Variants in FAM171A1 observed in about 807,000 individuals in gnomAD.
FAM171A1 encodes the protein family with sequence similarity 171 member A1.
Under a neutral mutation model 74.9 loss-of-function variants are expected in FAM171A1, and 23 were observed. The ratio of observed to expected loss-of-function variants is 0.31; its 90% confidence interval spans 0.22 to 0.44. The LOEUF (loss-of-function observed/expected upper bound fraction) is 0.44. FAM171A1 is among the 20% of genes least tolerant of loss of function. FAM171A1 has a pLI of 1.00. For missense variants in FAM171A1, 1,162 were observed against 1,159.2 expected, an observed-to-expected ratio of 1.00 and a Z score of -0.03; for synonymous variants, 527 against 505.7, an observed-to-expected ratio of 1.04 and a Z score of -0.57.
chr10:15,363,261 G>A (rs896425048), intron 1 of FAM171A1, among the ~76,000 whole-genome samples: 2 of 152,204 alleles, frequency 1.3e-5, no homozygotes, highest in African/African-American at 2.4e-5. Context: ...GACATACTTC[G>A]CATTATTCTG....
At chr10:15,299,927 G>A (rs1440117772) in intron 1 of FAM171A1, among the ~76,000 whole-genome samples, 1 of 151,656 alleles carries the variant, frequency 6.6e-6, no homozygotes, top group Non-Finnish European at 1.5e-5. Context: ...GCAGTGAACC[G>A]AGCTAGCCTG....
At chr10:15,312,648 T>G (rs1366972285) in intron 1 of FAM171A1, among the ~76,000 whole-genome samples, 1 of 136,206 alleles carries the variant, frequency 7.3e-6, no homozygotes, top group Admixed American at 7.6e-5. Context: ...GTAAATCAAC[T>G]ACTGGAATGA....
At chr10:15,315,896 C>T (rs927579673) in intron 1 of FAM171A1, among the ~76,000 whole-genome samples, 1 of 152,084 alleles carries the variant, frequency 6.6e-6, no homozygotes, top group East Asian at 1.9e-4. Flanking sequence ...TATAAAGAAA[C>T]AGAAAGAAAA....
At chr10:15,294,518 C>T (rs193173189) in intron 1 of FAM171A1, among the ~76,000 whole-genome samples, 1 of 152,160 alleles carries the variant, frequency 6.6e-6, no homozygotes, top group African/African-American at 2.4e-5. Flanking sequence ...GAGGAAGAAA[C>T]GAGCGCTCAG....
chr10:15,337,576 G>A (rs1333443187), intron 1 of FAM171A1, among the ~76,000 whole-genome samples: 1 of 152,116 alleles, frequency 6.6e-6, no homozygotes, highest in African/African-American at 2.4e-5. Context: ...GGGTGTGGTG[G>A]CTCACACGTG....
intron 1 of FAM171A1, among the ~76,000 whole-genome samples, chr10:15,313,234 C>T (rs71485556): frequency 0.089 from 13,584 of 152,284 alleles, 661 homozygotes; most frequent in Middle Eastern, 0.12. Flanking sequence ...AGTAAACCTC[C>T]TGTTCCAGGA....
At chr10:15,311,766 C>T (rs750608940) in intron 1 of FAM171A1, among the ~76,000 whole-genome samples, 6 of 152,156 alleles carry the variant, frequency 3.9e-5, no homozygotes, top group Non-Finnish European at 7.3e-5. Context: ...ACCTGAGGTC[C>T]AGGAGAGTAA....
intron 1 of FAM171A1, among the ~76,000 whole-genome samples, chr10:15,300,965 G>A (rs948651948): frequency 2.0e-5 from 3 of 152,186 alleles, no homozygotes; most frequent in Admixed American, 6.5e-5. Flanking sequence ...GAAAGTTCAC[G>A]GAAGGAGCTG....
intron 1 of FAM171A1, among the ~76,000 whole-genome samples, chr10:15,325,336 C>T (rs1473767599): frequency 1.3e-5 from 2 of 152,090 alleles, no homozygotes; most frequent in African/African-American, 2.4e-5. Context: ...GGCAAAACCT[C>T]GTCTCTACGA....
At chr10:15,342,898 C>T (rs1234234568) in intron 1 of FAM171A1, among the ~76,000 whole-genome samples, 9 of 152,180 alleles carry the variant, frequency 5.9e-5, no homozygotes. Context: ...GGAAGACCGA[C>T]CTTGGAGTCA....
At chr10:15,223,970 C>T (rs544746406) in intron 5 of FAM171A1, among the ~76,000 whole-genome samples, 2 of 152,274 alleles carry the variant, frequency 1.3e-5, no homozygotes, top group South Asian at 4.1e-4. Context: ...TAGTGGGTGA[C>T]CACATATATA....
chr10:15,314,606 T>C (rs1835401285), intron 1 of FAM171A1, among the ~76,000 whole-genome samples: 1 of 152,220 alleles, frequency 6.6e-6, no homozygotes, highest in South Asian at 2.1e-4. Flanking sequence ...TGCATTTCCC[T>C]GTGTGACAGG....
intron 1 of FAM171A1, among the ~76,000 whole-genome samples, chr10:15,368,366 G>C (rs538409655): frequency 6.2e-4 from 94 of 152,304 alleles, no homozygotes; most frequent in African/African-American, 2.2e-3. Flanking sequence ...GTGTCATTTA[G>C]TTCTAGCAAT....
intron 1 of FAM171A1, among the ~76,000 whole-genome samples, chr10:15,370,656 C>G (rs902214264): frequency 6.6e-6 from 1 of 151,324 alleles, no homozygotes; most frequent in Non-Finnish European, 1.5e-5. Context: ...GACCCCCGGG[C>G]GCATCCAGAC....
At chr10:15,325,079 C>T (rs1212018701) in intron 1 of FAM171A1, among the ~76,000 whole-genome samples, 1 of 152,216 alleles carries the variant, frequency 6.6e-6, no homozygotes, top group African/African-American at 2.4e-5. Context: ...ATGAGCTCCC[C>T]ACTCCTTTCC....
At chr10:15,298,648 TAGTTCCA>T (rs999705622) in intron 1 of FAM171A1, among the ~76,000 whole-genome samples, 3 of 152,210 alleles carry the variant, frequency 2.0e-5, no homozygotes, top group African/African-American at 7.2e-5. Flanking sequence ...GCAAAAGCCA[TAGTTCCA>T]ACTTTTAAGA....
chr10:15,268,868 C>A (rs113442388), intron 3 of FAM171A1, among the ~76,000 whole-genome samples: 8 of 152,090 alleles, frequency 5.3e-5, no homozygotes, highest in Admixed American at 1.3e-4. Flanking sequence ...ATAGTGAAAC[C>A]CCATCTCTAC....
intron 4 of FAM171A1, among the ~76,000 whole-genome samples, chr10:15,251,777 AT>A (rs1834512128): frequency 6.6e-6 from 1 of 152,050 alleles, no homozygotes; most frequent in Non-Finnish European, 1.5e-5. Flanking sequence ...TGAAACTCCA[AT>A]TTTACACAAA....
chr10:15,273,144 GC>G (rs1334293375), intron 3 of FAM171A1, among the ~76,000 whole-genome samples: 2 of 151,952 alleles, frequency 1.3e-5, no homozygotes, highest in Non-Finnish European at 2.9e-5. Flanking sequence ...TAGACCACTA[GC>G]AAGACTAATA....
Sources: allele counts gnomAD v4.1 joint callset (sites outside exome capture counted in the v4.1 genomes callset), GRCh38; gene constraint gnomAD v4.1.1; transcripts MANE v1.5; gene names NCBI Gene and HGNC (gene_info 2026-07-23, HGNC 2026-07-21).